Variants in GNG12 observed in about 807,000 individuals in gnomAD.
GNG12 encodes G protein subunit gamma 12.
For missense variants in GNG12, 69 were observed against 83.8 expected (o/e 0.82, Z 0.69); for synonymous variants, 28 against 29.7 (o/e 0.94, Z 0.19).
chr1:67,732,442 G>T (rs555094969), intron 2 of GNG12, among the ~76,000 whole-genome samples: 1 of 152,304 alleles, frequency 6.6e-6, no homozygotes, highest in East Asian at 1.9e-4. Context: ...AACCTTTCAG[G>T]CCCTTGGGTT....
At chr1:67,717,193 G>C (rs1427835486) in intron 2 of GNG12, among the ~76,000 whole-genome samples, 1 of 152,054 alleles carries the variant, frequency 6.6e-6, no homozygotes, top group Admixed American at 6.6e-5. Flanking sequence ...GTTTATTCCT[G>C]CCTGGGGATT....
chr1:67,709,857 T>C (rs1314761917), intron 2 of GNG12, among the ~76,000 whole-genome samples: 17 of 125,432 alleles, frequency 1.4e-4, no homozygotes, highest in Admixed American at 9.5e-5. Flanking sequence ...TATATTTATA[T>C]ATATATAGTT....
intron 2 of GNG12, among the ~76,000 whole-genome samples, chr1:67,726,221 CT>C (rs1246168357): frequency 1.3e-5 from 2 of 152,218 alleles, no homozygotes; most frequent in Non-Finnish European, 2.9e-5. Context: ...AGTCAGCAGA[CT>C]TTTCACAAAT....
chr1:67,790,486 C>T (rs890548482), intron 1 of GNG12, among the ~76,000 whole-genome samples: 1 of 152,190 alleles, frequency 6.6e-6, no homozygotes, highest in African/African-American at 2.4e-5. Context: ...AACGTTCTAT[C>T]TGTCAAATCA....
intron 2 of GNG12, among the ~76,000 whole-genome samples, chr1:67,730,036 T>C (rs890821047): frequency 6.6e-6 from 1 of 152,178 alleles, no homozygotes; most frequent in Non-Finnish European, 1.5e-5. Flanking sequence ...TATTGGAATG[T>C]TCACAGCAGC....
chr1:67,729,625 T>C (rs115334066), intron 2 of GNG12, among the ~76,000 whole-genome samples: 182 of 152,310 alleles, frequency 1.2e-3, no homozygotes, highest in African/African-American at 4.4e-3. Context: ...TGGTTTCCCT[T>C]GTGCTCTATT....
chr1:67,712,351 G>C (rs1385175848), intron 2 of GNG12, among the ~76,000 whole-genome samples: 1 of 152,152 alleles, frequency 6.6e-6, no homozygotes, highest in African/African-American at 2.4e-5. Flanking sequence ...AATCCTGAAA[G>C]GTTTCTTATT....
At chr1:67,705,609 G>T (rs1646242770) in intron 3 of GNG12, 33 bp from the exon 4 acceptor site, 1 of 1,587,802 alleles carries the variant, frequency 6.3e-7, no homozygotes, top group Admixed American at 1.8e-5. Context: ...AAACAAGAAA[G>T]AAAATATTTT....
At chr1:67,734,693 C>A (rs1002232200) in intron 2 of GNG12, among the ~76,000 whole-genome samples, 1 of 152,074 alleles carries the variant, frequency 6.6e-6, no homozygotes, top group Non-Finnish European at 1.5e-5. Context: ...GTTGCAGGAT[C>A]GTAGCTTACT....
chr1:67,704,210 A>C lies in GNG12; in HGVS notation c.*1241T>G, dbSNP rs984314162. On this transcript the variant is annotated 3_prime_UTR_variant, in exon 4 of 4. Coordinates refer to ENST00000370982, the MANE Select transcript of GNG12 (RefSeq NM_018841.6). ...TTGGGCCCAAGGAGTGTACCACTGA[A>C]TCCAAGGCTCTCTTGGGTAGCCTAT... The C allele has an allele frequency of 6.6e-6, 1 of 152,244 alleles. No individual in the cohort carries two copies. Among genetic ancestry groups the C allele is most frequent in the Non-Finnish European group, 1.5e-5 (1 of 68,058 alleles). The allele number at this position is 152,244 out of a possible 1,614,324, so 9.4% of individuals were successfully genotyped here.
At chr1:67,745,676 G>A (rs1646503666) in intron 2 of GNG12, among the ~76,000 whole-genome samples, 1 of 152,156 alleles carries the variant, frequency 6.6e-6, no homozygotes, top group Admixed American at 6.5e-5. Context: ...GCTCTCCACA[G>A]GCATCTCCTT....
chr1:67,775,007 T>C (rs3753371), intron 2 of GNG12, among the ~76,000 whole-genome samples: 11,391 of 152,286 alleles, frequency 0.075, 452 homozygotes, highest in Admixed American at 0.1. Flanking sequence ...CTACTCATTA[T>C]TACTATTGTT....
intron 1 of GNG12, among the ~76,000 whole-genome samples, chr1:67,785,551 A>G (rs934790770): frequency 2.0e-5 from 3 of 152,094 alleles, no homozygotes; most frequent in African/African-American, 7.2e-5. Flanking sequence ...TATCTCCTAA[A>G]TCACCTGGCA....
intron 2 of GNG12, among the ~76,000 whole-genome samples, chr1:67,714,553 T>A (rs1346219100): frequency 6.6e-6 from 1 of 152,230 alleles, no homozygotes; most frequent in Non-Finnish European, 1.5e-5. Context: ...GTGTTTAGTA[T>A]CTGCATCCTC....
At chr1:67,800,439 A>AT in intron 1 of GNG12, among the ~76,000 whole-genome samples, 1 of 152,338 alleles carries the variant, frequency 6.6e-6, no homozygotes, top group Non-Finnish European at 1.5e-5. Context: ...TCTGCCAAAT[A>AT]TCCAAGTCTG....
At chr1:67,817,766 T>C (rs981191248) in intron 1 of GNG12, among the ~76,000 whole-genome samples, 5 of 150,556 alleles carry the variant, frequency 3.3e-5, no homozygotes, top group Non-Finnish European at 5.9e-5. Context: ...TTAATAAATG[T>C]TTTCTTTTGT....
intron 2 of GNG12, among the ~76,000 whole-genome samples, chr1:67,725,253 C>T (rs1646379122): frequency 6.6e-6 from 1 of 152,296 alleles, no homozygotes; most frequent in East Asian, 1.9e-4. Flanking sequence ...CTAACTTTGA[C>T]ATGCCAAAAA....
intron 2 of GNG12, among the ~76,000 whole-genome samples, chr1:67,709,268 G>A (rs1646267212): frequency 6.6e-6 from 1 of 152,104 alleles, no homozygotes. Context: ...TTTTATCCTT[G>A]GGGGTCACAT....
rs201538319 is a variant in GNG12, at chr1:67,707,580, T to C, written c.93+14A>G. On this transcript the variant is annotated intron_variant, in intron 3 of 3. Coordinates refer to ENST00000370982, the MANE Select transcript of GNG12 (RefSeq NM_018841.6). The stretch of plus-strand genomic sequence containing the variant: ...TGAGCAGAAAGCATATGTTATCCAG[T>C]CGGGGCTTCTTACCTTTATTCTTTC... 3.8e-3 allele frequency: 5,098 copies of C among 1,331,730 alleles called. 26 individuals carry two copies. The highest frequency in any genetic ancestry group is 4.9e-3 in the Non-Finnish European group (4,537 of 927,642). The allele number at this position is 1,331,730 out of a possible 1,614,324, so 82.5% of individuals were successfully genotyped here.
Sources: gnomAD v4.1 joint callset for allele counts (sites outside exome capture counted in the v4.1 genomes callset) on GRCh38, gnomAD v4.1.1 for gene constraint, MANE v1.5 for transcripts, NCBI Gene and HGNC (gene_info 2026-07-23, HGNC 2026-07-21) for gene names.